TWF2: variants seen among roughly 807,000 people sequenced by gnomAD.
TWF2 encodes twinfilin actin binding protein 2, also known as twinfilin-2.
Under a neutral mutation model 45.1 loss-of-function variants are expected in TWF2, and 15 were observed. That is an observed-to-expected ratio of 0.33 (90% CI 0.22 to 0.51). TWF2 has a LOEUF of 0.51. Among genes scored for constraint, TWF2 ranks in the 20% least tolerant of loss-of-function variants. The pLI is 0.97. For missense variants in TWF2, 423 were observed against 469.1 expected, an observed-to-expected ratio of 0.90 and a Z score of 0.91; for synonymous variants, 177 against 195.8, an observed-to-expected ratio of 0.90 and a Z score of 0.80.
At chr3:52,232,653 G>C (rs1490296215) in intron 2 of TWF2, among the ~76,000 whole-genome samples, 1 of 152,208 alleles carries the variant, frequency 6.6e-6, no homozygotes, top group African/African-American at 2.4e-5. Flanking sequence ...AGGAGGAGCA[G>C]GGGCTCCTAC....
intron 1 of TWF2, among the ~76,000 whole-genome samples, chr3:52,235,716 T>C (rs914288584): frequency 1.3e-5 from 2 of 152,068 alleles, no homozygotes; most frequent in Admixed American, 6.6e-5. Flanking sequence ...AGAGATATAG[T>C]CCCCGGCTTG....
intron 2 of TWF2, among the ~76,000 whole-genome samples, chr3:52,232,423 G>A (rs536883844): frequency 5.9e-5 from 9 of 151,914 alleles, no homozygotes; most frequent in Middle Eastern, 3.4e-3. Flanking sequence ...ACACGCAGCC[G>A]TCAGCCCCTC....
intron 5 of TWF2, 25 bp downstream of exon 5, chr3:52,231,102 G>A: frequency 6.2e-7 from 1 of 1,613,858 alleles, no homozygotes; most frequent in East Asian, 2.2e-5. Flanking sequence ...AGGGCTCAAG[G>A]CTGGGGCCTC....
chr3:52,235,307 C>T (rs1441246868), intron 1 of TWF2, among the ~76,000 whole-genome samples: 5 of 141,162 alleles, frequency 3.5e-5, no homozygotes, highest in Non-Finnish European at 3.1e-5. Flanking sequence ...GAGTGGCCTG[C>T]TGGCTGGGAT....
chr3:52,234,951 A>C, intron 2 of TWF2, 78 bp downstream of exon 2: 2 of 1,544,216 alleles, frequency 1.3e-6, no homozygotes, highest in Non-Finnish European at 1.8e-6. Flanking sequence ...GCCAGGGGCC[A>C]ACATCCTCCT....
chr3:52,230,784 TG>T, intron 6 of TWF2, 85 bp downstream of exon 6: 1 of 1,505,400 alleles, frequency 6.6e-7, no homozygotes, highest in South Asian at 1.3e-5. Flanking sequence ...GCTGGTGGAG[TG>T]GGGACTCCAT....
At chr3:52,237,260 C>T (rs1237583134) in intron 1 of TWF2, among the ~76,000 whole-genome samples, 1 of 152,170 alleles carries the variant, frequency 6.6e-6, no homozygotes, top group Non-Finnish European at 1.5e-5. Context: ...AATCCAGAGG[C>T]CAGGCCTGGG....
chr3:52,238,873 AAG>A (rs1699752812), intron 1 of TWF2, 117 bp downstream of exon 1: 2 of 1,392,468 alleles, frequency 1.4e-6, no homozygotes, highest in Admixed American at 2.4e-5. Flanking sequence ...GCGGCTGCAA[AAG>A]AGAACAGGAA....
At chr3:52,231,061 C>T in intron 5 of TWF2, 66 bp from the exon 6 acceptor site, 1 of 1,609,920 alleles carries the variant, frequency 6.2e-7, no homozygotes, top group East Asian at 2.2e-5. Context: ...TCCCAGGCAG[C>T]ACAGGCTGCC....
At chr3:52,233,136 T>C (rs1172995130) in intron 2 of TWF2, among the ~76,000 whole-genome samples, 2 of 152,256 alleles carry the variant, frequency 1.3e-5, no homozygotes, top group African/African-American at 4.8e-5. Flanking sequence ...GGACCTCATC[T>C]GGGCACCAGA....
At chr3:52,230,158 T>A (rs1356984317) in intron 6 of TWF2, 88 bp from the exon 7 acceptor site, 7 of 1,443,968 alleles carry the variant, frequency 4.8e-6, no homozygotes, top group Non-Finnish European at 6.4e-6. Context: ...CAGGATTAGC[T>A]GGTGGGCAGG....
rs1245388849 is a variant in TWF2, at chr3:52,239,158, C to A, written c.-142G>T. ...GCTTCCCGGGCGGTGCCGCAGGACCCGCCCCCAGCGGCGCCCCGCCCCCGA... is the reference window on the plus strand; with the variant it reads ...GCTTCCCGGGCGGTGCCGCAGGACCAGCCCCCAGCGGCGCCCCGCCCCCGA... On this transcript the variant is annotated 5_prime_UTR_variant, in exon 1 of 9. Transcript: ENST00000305533. 2 of 1,162,636 alleles carry A rather than the reference C, an allele frequency of 1.7e-6. No homozygotes were observed. Among genetic ancestry groups the A allele is most frequent in the African/African-American group, 1.6e-5 (1 of 62,502 alleles). 72.0% of individuals were successfully genotyped at this position (1,162,636 alleles called of 1,614,324 possible).
chr3:52,236,233 G>A (rs1392641431), intron 1 of TWF2, among the ~76,000 whole-genome samples: 1 of 151,818 alleles, frequency 6.6e-6, no homozygotes, highest in Non-Finnish European at 1.5e-5. Context: ...CCCGGGAGGC[G>A]GAGGTTACAG....
chr3:52,236,436 A>C (rs964322910), intron 1 of TWF2, among the ~76,000 whole-genome samples: 7 of 152,090 alleles, frequency 4.6e-5, no homozygotes, highest in Admixed American at 2.0e-4. Context: ...TAAGTGGTGG[A>C]TCTACTAGTG....
At chr3:52,232,671 T>C (rs1699690475) in intron 2 of TWF2, among the ~76,000 whole-genome samples, 2 of 152,178 alleles carry the variant, frequency 1.3e-5, no homozygotes. Flanking sequence ...TACCAGACCC[T>C]GGATAAACAG....
intron 1 of TWF2, among the ~76,000 whole-genome samples, chr3:52,238,444 C>T (rs928780365): frequency 6.6e-6 from 1 of 152,198 alleles, no homozygotes; most frequent in African/African-American, 2.4e-5. Flanking sequence ...CAGACACATG[C>T]GGTATATGCA....
chr3:52,232,711 C>T (rs1212247214), intron 2 of TWF2, among the ~76,000 whole-genome samples: 1 of 152,204 alleles, frequency 6.6e-6, no homozygotes, highest in East Asian at 1.9e-4. Context: ...CAGCTGCAGT[C>T]CCCTCGAAAA....
chr3:52,237,275 C>G (rs532052035), intron 1 of TWF2, among the ~76,000 whole-genome samples: 1 of 152,324 alleles, frequency 6.6e-6, no homozygotes, highest in Non-Finnish European at 1.5e-5. Context: ...CCTGGGACAC[C>G]TGAGCCTCTA....
intron 2 of TWF2, chr3:52,232,332 C>G (rs1699686570): frequency 3.2e-6 from 2 of 616,098 alleles, no homozygotes; most frequent in African/African-American, 3.7e-5. Context: ...GGGCTGCCCC[C>G]CTGCACATCC....
Sources: allele counts gnomAD v4.1 joint callset (sites outside exome capture counted in the v4.1 genomes callset), GRCh38; gene constraint gnomAD v4.1.1; transcripts MANE v1.5; gene names NCBI Gene and HGNC (gene_info 2026-07-23, HGNC 2026-07-21).